The following DDX19B variants were observed in gnomAD, a reference collection of about 807,000 sequenced individuals.
The protein encoded by DDX19B is DEAD-box helicase 19B.
A neutral mutation model predicts 58.1 loss-of-function variants in DDX19B; 27 were observed. The observed-to-expected ratio is 0.46, with a 90% CI of 0.34 to 0.64. The LOEUF is 0.64. Ranked by LOEUF, DDX19B falls within the 30% of genes least tolerant of loss-of-function variation. The pLI is 0.01. For synonymous variants in DDX19B, 187 were observed against 214.4 expected, an observed-to-expected ratio of 0.87 and a Z score of 1.12; for missense variants, 399 against 596.5, an observed-to-expected ratio of 0.67 and a Z score of 3.45.
intron 1 of DDX19B, among the ~76,000 whole-genome samples, chr16:70,307,693 G>A (rs529899717): frequency 1.3e-5 from 2 of 150,810 alleles, no homozygotes; most frequent in Admixed American, 1.3e-4. Flanking sequence ...GTGTGTGTGT[G>A]TATGTATATA....
chr16:70,318,454 A>T (rs1205513476), intron 5 of DDX19B, among the ~76,000 whole-genome samples: 7 of 151,954 alleles, frequency 4.6e-5, no homozygotes, highest in Non-Finnish European at 1.5e-5. Context: ...TTTGGAGTGG[A>T]GACTTCTAGA....
In DDX19B at chr16:70,331,623, G is replaced by T. The variant is rs140340250; in HGVS notation, c.1024-99G>T. The T allele has an allele frequency of 1.2e-4, 172 of 1,450,152 alleles. 1 individual carries two copies. In the African/African-American group the frequency reaches 2.0e-3, roughly 17 times the overall value. The allele number at this position is 1,450,152 out of a possible 1,614,324, so 89.8% of individuals were successfully genotyped here. ...TAACCTCCTAACTGGATTTAGCAGG[G>T]CCTTCATGTATTTTAATCGTGGCAA... is the stretch of plus-strand genomic sequence containing the variant. On this transcript the variant is annotated intron_variant, in intron 9 of 11. Coordinates refer to ENST00000288071, the MANE Select transcript of DDX19B (RefSeq NM_007242.7).
At position 70,317,606 on chromosome 16, in the gene DDX19B, A is replaced by T. The variant is rs1178836650; in HGVS notation, c.389+18A>T. Reference sequence around the variant, plus strand: ...GCTGAGCCGTATGTGTCCTATTACAACTCCATTTCATTTTAGATTTTCTAT... The same window carrying T: ...GCTGAGCCGTATGTGTCCTATTACATCTCCATTTCATTTTAGATTTTCTAT... On this transcript the variant is annotated intron_variant, in intron 5 of 11. Transcript: ENST00000288071. The T allele has an allele frequency of 2.5e-6, 4 of 1,585,940 alleles. No individual in the cohort carries two copies. The highest frequency in any genetic ancestry group is 3.4e-6 in the Non-Finnish European group (4 of 1,161,602).
intron 5 of DDX19B, among the ~76,000 whole-genome samples, chr16:70,318,238 A>G (rs1318193559): frequency 1.3e-5 from 2 of 151,478 alleles, no homozygotes; most frequent in Non-Finnish European, 2.9e-5. Context: ...GCCAGGTGTC[A>G]TGGTGTGCTC....
At chr16:70,291,684 G>A (rs564925363), upstream of DDX19B, among the ~76,000 whole-genome samples, 4 of 152,058 alleles carry the variant, frequency 2.6e-5, no homozygotes, top group African/African-American at 9.7e-5. Context: ...GGTGGCGGGC[G>A]CCTGTAGTCC....
chr16:70,312,784 T>A (rs1962159993), intron 2 of DDX19B, 127 bp downstream of exon 2: 1 of 686,158 alleles, frequency 1.5e-6, no homozygotes, highest in African/African-American at 1.8e-5. Flanking sequence ...ACTGGTACCA[T>A]TTGATTTGTA....
chr16:70,306,179 T>G (rs1292108861), intron 1 of DDX19B, among the ~76,000 whole-genome samples: 1 of 151,852 alleles, frequency 6.6e-6, no homozygotes, highest in Non-Finnish European at 1.5e-5. Context: ...TGAAATAGAG[T>G]CTTACTTTGT....
chr16:70,308,682 T>C (rs764309735), intron 1 of DDX19B, among the ~76,000 whole-genome samples: 3 of 152,132 alleles, frequency 2.0e-5, no homozygotes, highest in Non-Finnish European at 4.4e-5. Context: ...AATATTTTTA[T>C]TTTTAATCTT....
chr16:70,333,735 A>G lies in DDX19B; in HGVS notation c.*153A>G. 8.5e-7 allele frequency: 1 copy of G among 1,180,520 alleles called. No individual in the cohort carries two copies. The highest frequency in any genetic ancestry group is 1.2e-6 in the Non-Finnish European group (1 of 818,220). 73.1% of individuals were successfully genotyped at this position (1,180,520 alleles called of 1,614,324 possible). A position where few individuals can be genotyped will look rare whatever the true frequency, so the allele number is the denominator to read the frequency against. ...CTTCAAATTATGTTTGGACTTGACA[A>G]AAATGTATGCAAATGATGGGGGATG... On this transcript the variant is annotated 3_prime_UTR_variant, in exon 12 of 12. Transcript: ENST00000288071.
intron 1 of DDX19B, among the ~76,000 whole-genome samples, chr16:70,303,723 AT>A (rs970763911): frequency 2.0e-5 from 3 of 150,548 alleles, no homozygotes; most frequent in East Asian, 2.0e-4. Context: ...CGCCAGGCTA[AT>A]TTTTTTTTGT....
chr16:70,303,714 G>A (rs753578916), intron 1 of DDX19B, among the ~76,000 whole-genome samples: 3 of 151,942 alleles, frequency 2.0e-5, no homozygotes, highest in South Asian at 2.1e-4. Context: ...CCACCACCAC[G>A]CCAGGCTAAT....
chr16:70,291,798 G>A (rs1165325720), upstream of DDX19B, among the ~76,000 whole-genome samples: 6 of 150,422 alleles, frequency 4.0e-5, no homozygotes, highest in South Asian at 6.3e-4. Context: ...GCCGCAGAGC[G>A]AGACTTTGTC....
intron 5 of DDX19B, among the ~76,000 whole-genome samples, chr16:70,323,556 T>TG: frequency 6.6e-6 from 1 of 152,190 alleles, no homozygotes; most frequent in South Asian, 2.1e-4. Flanking sequence ...CCCAAGGAGC[T>TG]GGGACTACAG....
At chr16:70,307,555 G>A (rs1961823550) in intron 1 of DDX19B, among the ~76,000 whole-genome samples, 1 of 149,394 alleles carries the variant, frequency 6.7e-6, no homozygotes, top group Non-Finnish European at 1.5e-5. Flanking sequence ...TAGAGATGGG[G>A]TTTCATCATG....
In DDX19B at chr16:70,335,047, A is replaced by G. The variant is rs1033139905; in HGVS notation, c.*1465A>G. ...TGCCTCCTGGGAAGGGAAGGGGCCA[A>G]TGTCAGCCTCCAGGTGATTTCTTTA... On this transcript the variant is annotated 3_prime_UTR_variant, in exon 12 of 12. Coordinates refer to ENST00000288071, the MANE Select transcript of DDX19B (RefSeq NM_007242.7). 2 of 152,184 alleles carry G rather than the reference A, an allele frequency of 1.3e-5. No homozygotes were observed. The highest frequency in any genetic ancestry group is 2.9e-5 in the Non-Finnish European group (2 of 68,068). 9.4% of individuals were successfully genotyped at this position (152,184 alleles called of 1,614,324 possible).
At chr16:70,321,346 C>T (rs1320707630) in intron 5 of DDX19B, among the ~76,000 whole-genome samples, 1 of 152,082 alleles carries the variant, frequency 6.6e-6, no homozygotes, top group Non-Finnish European at 1.5e-5. Flanking sequence ...TCTTGAACTC[C>T]TACGCTCAAG....
At chr16:70,299,840 A>G (rs527656906) in intron 1 of DDX19B, among the ~76,000 whole-genome samples, 1 of 152,192 alleles carries the variant, frequency 6.6e-6, no homozygotes, top group South Asian at 2.1e-4. Flanking sequence ...CTCAGGGACC[A>G]TGTCTTTGCT....
chr16:70,292,443 G>A (rs61466321), upstream of DDX19B, among the ~76,000 whole-genome samples: 5,229 of 152,078 alleles, frequency 0.034, 317 homozygotes, highest in African/African-American at 0.12. Context: ...CATCGCGTCC[G>A]GCCCCCTTGT....
rs1299208115 is a variant in DDX19B, at chr16:70,316,124, C to T, written c.296+20C>T. ...TCGGCTGTGAGTATTTATTCACCTT[C>T]TGACTCTTCCCCTTTGCACTGAAAT... is the stretch of plus-strand genomic sequence containing the variant. On this transcript the variant is annotated intron_variant, in intron 4 of 11. Transcript: ENST00000288071. The T allele has an allele frequency of 1.4e-5, 23 of 1,613,832 alleles. No individual in the cohort carries two copies. In the East Asian group the frequency reaches 4.7e-4, roughly 33 times the overall value.
Sources: gnomAD v4.1 joint callset for allele counts (sites outside exome capture counted in the v4.1 genomes callset) on GRCh38, gnomAD v4.1.1 for gene constraint, MANE v1.5 for transcripts, NCBI Gene and HGNC (gene_info 2026-07-23, HGNC 2026-07-21) for gene names.